The following FBXL7 variants were observed in gnomAD, a reference collection of about 807,000 sequenced individuals.
FBXL7 encodes the protein F-box and leucine rich repeat protein 7, also known as F-box/LRR-repeat protein 7.
A neutral mutation model predicts 38.3 loss-of-function variants in FBXL7; 12 were observed. The observed-to-expected ratio is 0.31, with a 90% CI of 0.20 to 0.51. The LOEUF is 0.51. FBXL7 is among the 20% of genes least tolerant of loss of function. FBXL7 has a pLI of 0.98. For synonymous variants in FBXL7, 297 were observed against 300.9 expected (o/e 0.99, Z 0.13); for missense variants, 567 against 676.4 (o/e 0.84, Z 1.79).
intron 1 of FBXL7, among the ~76,000 whole-genome samples, chr5:15,596,475 T>A (rs1156468127): frequency 6.6e-6 from 1 of 152,088 alleles, no homozygotes; most frequent in Non-Finnish European, 1.5e-5. Context: ...CAAGCCTGGG[T>A]AACATAGTGG....
chr5:15,658,950 G>A (rs1741971361), intron 2 of FBXL7, among the ~76,000 whole-genome samples: 1 of 152,006 alleles, frequency 6.6e-6, no homozygotes, highest in Non-Finnish European at 1.5e-5. Flanking sequence ...ATGAGGGGTG[G>A]TTTCCTCCCC....
chr5:15,692,347 C>A lies in FBXL7; in HGVS notation c.127+76275C>A, dbSNP rs148273630. Among the ~76,000 whole-genome samples, 582 of 152,298 alleles carry A rather than the reference C, an allele frequency of 3.8e-3. 5 individuals are homozygous for A. The highest frequency in any genetic ancestry group is 0.016 in the South Asian group (79 of 4,820). ...TGTTATTAGCAAAACTACAAAAAGG[C>A]TACAAAAAGTGGACCTTTCTAATCA... On this transcript the variant is annotated intron_variant, in intron 2 of 3. Transcript: ENST00000504595.
chr5:15,636,431 T>C (rs1489873924), intron 2 of FBXL7, among the ~76,000 whole-genome samples: 1 of 152,230 alleles, frequency 6.6e-6, no homozygotes, highest in Admixed American at 6.5e-5. Flanking sequence ...ATTGCTGTTT[T>C]GTAACATCTT....
intron 1 of FBXL7, among the ~76,000 whole-genome samples, chr5:15,588,450 G>A (rs1835132): frequency 0.51 from 76,887 of 149,750 alleles, 20,108 homozygotes; most frequent in African/African-American, 0.59. Context: ...GCAGTGGCAC[G>A]ATCTCGGGTC....
chr5:15,569,474 C>T (rs1738695093), intron 1 of FBXL7, among the ~76,000 whole-genome samples: 1 of 151,542 alleles, frequency 6.6e-6, no homozygotes, highest in South Asian at 2.1e-4. Flanking sequence ...TGCCTATCAG[C>T]TTAAGGAGAT....
intron 2 of FBXL7, among the ~76,000 whole-genome samples, chr5:15,641,941 TTGTGTGTGTGTGTGTGTG>T (rs199980981): frequency 1.3e-4 from 18 of 141,612 alleles, no homozygotes; most frequent in South Asian, 7.4e-4. Context: ...ACATAAAACC[TTGTGTGTGTGTGTGTGTG>T]TGTGTGTGTG....
chr5:15,610,376 C>T (rs907875659), intron 1 of FBXL7, among the ~76,000 whole-genome samples: 5 of 152,174 alleles, frequency 3.3e-5, no homozygotes, highest in African/African-American at 1.2e-4. Flanking sequence ...CACACCACCT[C>T]CCTCTTATCT....
intron 1 of FBXL7, among the ~76,000 whole-genome samples, chr5:15,512,824 T>G (rs1736836941): frequency 6.6e-6 from 1 of 152,188 alleles, no homozygotes; most frequent in Non-Finnish European, 1.5e-5. Flanking sequence ...ATTATGTTGT[T>G]TTGTAGTATT....
intron 2 of FBXL7, among the ~76,000 whole-genome samples, chr5:15,828,688 C>T (rs1738377988): frequency 6.6e-6 from 1 of 152,168 alleles, no homozygotes; most frequent in Non-Finnish European, 1.5e-5. Flanking sequence ...TCTGGGGATC[C>T]AGCCGACCTT....
intron 2 of FBXL7, among the ~76,000 whole-genome samples, chr5:15,710,005 A>G (rs1241772284): frequency 6.6e-6 from 1 of 152,146 alleles, no homozygotes; most frequent in Non-Finnish European, 1.5e-5. Flanking sequence ...GTTCCAACAT[A>G]TAAATTTTGA....
chr5:15,793,342 A>G (rs1403906528), intron 2 of FBXL7, among the ~76,000 whole-genome samples: 2 of 152,168 alleles, frequency 1.3e-5, no homozygotes, highest in Non-Finnish European at 2.9e-5. Context: ...CGCATCTCCC[A>G]GATTCTGGGG....
In FBXL7 at chr5:15,939,022, T is replaced by G. The variant is rs1457538451; in HGVS notation, c.*1836T>G. The G allele has an allele frequency of 7.5e-6, 3 of 398,952 alleles. No homozygotes were observed. The East Asian group carries it at 1.1e-4, about 14-fold the overall frequency. 24.7% of individuals were successfully genotyped at this position (398,952 alleles called of 1,614,324 possible). On this transcript the variant is annotated 3_prime_UTR_variant, in exon 4 of 4. Transcript: ENST00000504595. Reference sequence around the variant, plus strand: ...TGAATTTGTCAAACTTAGACACCCTTGACAACTGCACTCCTACTGTAGGCT... The same window carrying G: ...TGAATTTGTCAAACTTAGACACCCTGGACAACTGCACTCCTACTGTAGGCT...
At chr5:15,831,714 T>A (rs1475735635) in intron 2 of FBXL7, among the ~76,000 whole-genome samples, 1 of 152,064 alleles carries the variant, frequency 6.6e-6, no homozygotes, top group East Asian at 1.9e-4. Context: ...GGAGAGAAAA[T>A]TCCCCTTTTC....
At chr5:15,906,226 A>G (rs184635819) in intron 2 of FBXL7, among the ~76,000 whole-genome samples, 126 of 152,222 alleles carry the variant, frequency 8.3e-4, no homozygotes, top group Middle Eastern at 3.4e-3. Flanking sequence ...ACATTGGTCA[A>G]TGCTATGTTA....
intron 2 of FBXL7, among the ~76,000 whole-genome samples, chr5:15,829,360 A>G (rs570688705): frequency 6.6e-6 from 1 of 152,320 alleles, no homozygotes; most frequent in South Asian, 2.1e-4. Flanking sequence ...CAAAAATACT[A>G]TAGAATTTTT....
At chr5:15,533,552 A>G (rs1164268615) in intron 1 of FBXL7, among the ~76,000 whole-genome samples, 2 of 152,208 alleles carry the variant, frequency 1.3e-5, no homozygotes, top group Admixed American at 1.3e-4. Flanking sequence ...GATTGAATCA[A>G]TGCCTGTTAT....
chr5:15,648,171 A>AT (rs1741594065), intron 2 of FBXL7, among the ~76,000 whole-genome samples: 1 of 152,246 alleles, frequency 6.6e-6, no homozygotes, highest in South Asian at 2.1e-4. Context: ...TTGAGTACAC[A>AT]TTGAAAATGT....
chr5:15,641,901 T>C (rs1356409689), intron 2 of FBXL7, among the ~76,000 whole-genome samples: 1 of 151,876 alleles, frequency 6.6e-6, no homozygotes, highest in Non-Finnish European at 1.5e-5. Flanking sequence ...TTTTATATTA[T>C]AGATACATAA....
chr5:15,627,519 A>G (rs1395400137), intron 2 of FBXL7, among the ~76,000 whole-genome samples: 1 of 152,218 alleles, frequency 6.6e-6, no homozygotes, highest in African/African-American at 2.4e-5. Flanking sequence ...AGTGTGTTAA[A>G]GGACAGTCTT....
Sources: gnomAD v4.1 joint callset for allele counts (sites outside exome capture counted in the v4.1 genomes callset) on GRCh38, gnomAD v4.1.1 for gene constraint, MANE v1.5 for transcripts, NCBI Gene and HGNC (gene_info 2026-07-23, HGNC 2026-07-21) for gene names.